The following CALB1 variants were observed in gnomAD, a reference collection of about 807,000 sequenced individuals.
CALB1 encodes calbindin 1, also known as calbindin.
In CALB1, 16 loss-of-function variants were observed where a neutral mutation model predicts 46.7. The ratio of observed to expected loss-of-function variants is 0.34; its 90% CI spans 0.23 to 0.52. The LOEUF is 0.52. Among genes scored for constraint, CALB1 ranks in the 20% least tolerant of loss-of-function variants. The pLI is 0.95. For synonymous variants in CALB1, 90 were observed against 112.8 expected (o/e 0.80, Z 1.28); for missense variants, 224 against 300.3 (o/e 0.75, Z 1.88).
chr8:90,070,272 C>A (rs1256424338), intron 3 of CALB1, among the ~76,000 whole-genome samples: 1 of 152,136 alleles, frequency 6.6e-6, no homozygotes, highest in Non-Finnish European at 1.5e-5. Context: ...TCTACACACA[C>A]TATATTTCAT....
chr8:90,081,748 GTCTC>G (rs1196588598), intron 2 of CALB1, among the ~76,000 whole-genome samples: 3 of 151,696 alleles, frequency 2.0e-5, no homozygotes, highest in East Asian at 1.9e-4. Flanking sequence ...TAGAAAATCT[GTCTC>G]TCTCTGTCTG....
At position 90,063,380 on chromosome 8, in the gene CALB1, A is replaced by G. The variant is rs575510789; in HGVS notation, c.506+26T>C. 4.1e-5 allele frequency: 66 copies of G among 1,600,402 alleles called. No homozygotes were observed. The South Asian group carries it at 6.0e-4, about 15-fold the overall frequency. ...ATTTTTTGAAAAGGATCCACTTACAATATTTTTCATGGTTCCTAAACTCAC... is the reference window on the plus strand; with the variant it reads ...ATTTTTTGAAAAGGATCCACTTACAGTATTTTTCATGGTTCCTAAACTCAC... On this transcript the variant is annotated intron_variant, in intron 7 of 10. Transcript: ENST00000265431.
At chr8:90,078,016 T>C (rs1192049872) in intron 3 of CALB1, among the ~76,000 whole-genome samples, 1 of 152,054 alleles carries the variant, frequency 6.6e-6, no homozygotes, top group Non-Finnish European at 1.5e-5. Flanking sequence ...AGACACTGTA[T>C]GGAAGTGGGG....
chr8:90,070,969 C>A (rs1371487646), intron 3 of CALB1, among the ~76,000 whole-genome samples: 1 of 151,798 alleles, frequency 6.6e-6, no homozygotes, highest in Non-Finnish European at 1.5e-5. Context: ...TCATAAAATT[C>A]TATACCTCAG....
intron 6 of CALB1, chr8:90,063,759 G>C (rs1814343306): frequency 3.8e-6 from 1 of 266,104 alleles, no homozygotes; most frequent in African/African-American, 2.2e-5. Context: ...CAAGATGTGG[G>C]AGGGATGGTG....
At chr8:90,076,876 A>G (rs1481651844) in intron 3 of CALB1, among the ~76,000 whole-genome samples, 1 of 152,044 alleles carries the variant, frequency 6.6e-6, no homozygotes, top group Non-Finnish European at 1.5e-5. Flanking sequence ...TGTAAAATCC[A>G]TGTGAATCAG....
chr8:90,061,680 C>G (rs1312932210), intron 9 of CALB1: 1 of 151,954 alleles, frequency 6.6e-6, no homozygotes, highest in Admixed American at 6.6e-5. Flanking sequence ...CACTAAAAAT[C>G]ATAAAATACT....
At chr8:90,068,917 G>C (rs1814448453) in intron 5 of CALB1, 81 bp downstream of exon 5, 3 of 969,866 alleles carry the variant, frequency 3.1e-6, no homozygotes, top group Admixed American at 4.9e-5. Context: ...TTTTGTGGGA[G>C]GTTTTTTAAA....
rs1005215875 is a variant in CALB1, at chr8:90,082,074, C to T, written c.108G>A (p.Leu36=). Residue 36 remains leucine (L), a synonymous_variant, in exon 2 of 11, where the codon CTG becomes CTA. Transcript: ENST00000265431. ...GCTGGAGCTCCTGGATCAAGTTCTG[C>T]AGCTCCTTTCCTTCCAGGTAACCAC... ...DGSGYLEGKE[L]QNLIQELQQA... is the part of the protein sequence containing the mutation. 5 of 1,613,950 alleles carry T rather than the reference C, an allele frequency of 3.1e-6. No individual in the cohort carries two copies. The African/African-American group carries it at 4.0e-5, about 13-fold the overall frequency.
At chr8:90,077,934 C>T (rs1814649313) in intron 3 of CALB1, among the ~76,000 whole-genome samples, 1 of 151,986 alleles carries the variant, frequency 6.6e-6, no homozygotes, top group African/African-American at 2.4e-5. Flanking sequence ...GGACTGCAAA[C>T]ATTTTATTTT....
intron 2 of CALB1, chr8:90,081,461 C>T (rs541553705): frequency 1.4e-5 from 14 of 984,484 alleles, no homozygotes; most frequent in African/African-American, 1.7e-5. Context: ...ACTACATCAA[C>T]ATCACAACAA....
intron 3 of CALB1, among the ~76,000 whole-genome samples, chr8:90,077,736 C>T (rs1287244558): frequency 6.6e-6 from 1 of 151,984 alleles, no homozygotes; most frequent in Non-Finnish European, 1.5e-5. Flanking sequence ...TAGGAAAAGT[C>T]ACTGTGAAAG....
chr8:90,066,202 A>C (rs1814393650), intron 5 of CALB1, among the ~76,000 whole-genome samples: 1 of 151,958 alleles, frequency 6.6e-6, no homozygotes, highest in Non-Finnish European at 1.5e-5. Context: ...CCTGCTTTTT[A>C]CTGAGACTTG....
chr8:90,061,120 C>G (rs997911643), intron 9 of CALB1: 1 of 155,786 alleles, frequency 6.4e-6, no homozygotes, highest in African/African-American at 2.4e-5. Flanking sequence ...CACAAATAAC[C>G]TTTATTTTGC....
intron 3 of CALB1, among the ~76,000 whole-genome samples, chr8:90,071,474 C>T (rs373271479): frequency 1.5e-4 from 23 of 152,074 alleles, no homozygotes; most frequent in Middle Eastern, 3.4e-3. Context: ...CTCTGGAGGA[C>T]GGAGAGCCAC....
rs1335537809 is a variant in CALB1 at position 90,058,648 on chromosome 8, T to G, written c.*1525A>C. 2 of 152,244 alleles carry G rather than the reference T, an allele frequency of 1.3e-5. No individual in the cohort carries two copies. The highest frequency in any genetic ancestry group is 6.5e-5 in the Admixed American group (1 of 15,284). The allele number at this position is 152,244 out of a possible 1,614,324, so 9.4% of individuals were successfully genotyped here. On this transcript the variant is annotated 3_prime_UTR_variant, in exon 11 of 11. Coordinates refer to ENST00000265431, the MANE Select transcript of CALB1 (RefSeq NM_004929.4). ...TCTTTATTTATTCTTAGTAGTTAAA[T>G]TCAGTCTAATGGCAGTGCTTCCATT...
chr8:90,060,833 G>C (rs116297375), intron 9 of CALB1, 133 bp from the exon 10 acceptor site: 4 of 753,002 alleles, frequency 5.3e-6, no homozygotes, highest in Non-Finnish European at 9.1e-6. Flanking sequence ...GTTATGTCAG[G>C]CCACCCAAGT....
intron 6 of CALB1, among the ~76,000 whole-genome samples, chr8:90,065,262 T>C (rs1814371890): frequency 6.6e-6 from 1 of 151,858 alleles, no homozygotes; most frequent in African/African-American, 2.4e-5. Flanking sequence ...TAAGTGCCTA[T>C]GTGTAAAGCA....
chr8:90,081,965 C>T (rs1586186718), intron 2 of CALB1, 61 bp downstream of exon 2: 1 of 1,434,930 alleles, frequency 7.0e-7, no homozygotes, highest in Non-Finnish European at 9.7e-7. Context: ...TGTGAAAACA[C>T]AAGAATGTTT....
Sources: gnomAD v4.1 joint callset for allele counts (sites outside exome capture counted in the v4.1 genomes callset) on GRCh38, gnomAD v4.1.1 for gene constraint, MANE v1.5 for transcripts, NCBI Gene and HGNC (gene_info 2026-07-23, HGNC 2026-07-21) for gene names.